The following CEP76 variants were observed in gnomAD, a reference collection of about 807,000 sequenced individuals.
CEP76 encodes centrosomal protein of 76 kDa.
In CEP76, 55 loss-of-function variants were observed where a neutral mutation model predicts 83.3. The ratio of observed to expected loss-of-function variants is 0.66; its 90% CI spans 0.53 to 0.83. CEP76 has a LOEUF of 0.83. Among genes scored for constraint, CEP76 ranks in the 40% least tolerant of loss-of-function variants. CEP76 has a pLI of 0.00. For synonymous variants in CEP76, 270 were observed against 274.5 expected (o/e 0.98, Z 0.16); for missense variants, 694 against 799.5 (o/e 0.87, Z 1.59).
At chr18:12,678,049 AAC>A (rs2145000755) in intron 10 of CEP76, 58 bp downstream of exon 10, 2 of 1,385,298 alleles carry the variant, frequency 1.4e-6, no homozygotes, top group Non-Finnish European at 2.0e-6. Flanking sequence ...CACACCAAAA[AAC>A]AGTTAAATAC....
In CEP76 at chr18:12,695,238, A is replaced by T; in HGVS notation, c.804+16T>A. 1 of 1,155,408 alleles carries T rather than the reference A, an allele frequency of 8.7e-7. No homozygotes were observed. Among genetic ancestry groups the T allele is most frequent in the Non-Finnish European group, 1.2e-6 (1 of 809,498 alleles). The allele number at this position is 1,155,408 out of a possible 1,614,324, so 71.6% of individuals were successfully genotyped here. On this transcript the variant is annotated intron_variant, in intron 6 of 11. Transcript: ENST00000262127. The stretch of plus-strand genomic sequence containing the variant: ...AAAACAAACACACAAAAAAAGAGAA[A>T]CTCATAAGTATTTACCTGTGTGTTC...
chr18:12,680,596 CAAAAAAA>C (rs34861312), intron 9 of CEP76, 59 bp downstream of exon 9: 23 of 752,898 alleles, frequency 3.1e-5, no homozygotes, highest in African/African-American at 2.1e-4. Context: ...GACTCCATCT[CAAAAAAA>C]AAAAAAAAAA....
rs182913090 is a variant in CEP76 at position 12,675,159 on chromosome 18, G to C, written c.1624-406C>G. 3.8e-3 allele frequency among the ~76,000 whole-genome samples: 579 copies of C among 152,306 alleles called. 1 individual carries two copies. The highest frequency in any genetic ancestry group is 0.013 in the African/African-American group (545 of 41,570). On this transcript the variant is annotated intron_variant, in intron 10 of 11. Transcript: ENST00000262127. The stretch of plus-strand genomic sequence containing the variant: ...CGCCTGTAATCCCAGCAGTTTGGGA[G>C]GCTGAGGTGGGCGGATCATGAGGTC...
downstream of CEP76, chr18:12,670,648 T>A (rs1219483354): frequency 7.1e-6 from 1 of 141,286 alleles, no homozygotes; most frequent in East Asian, 2.1e-4. Flanking sequence ...GGCAAAAGAG[T>A]GGTTTTTTTT....
intron 1 of CEP76, 116 bp from the exon 2 acceptor site, chr18:12,701,229 G>T: frequency 1.4e-6 from 1 of 696,892 alleles, no homozygotes; most frequent in Non-Finnish European, 2.4e-6. Context: ...ACAATTGAAT[G>T]GGAACAAAGG....
In CEP76 at chr18:12,681,026, C is replaced by G. The variant is rs533587641; in HGVS notation, c.1123-198G>C. 4.1e-4 allele frequency among the ~76,000 whole-genome samples: 62 copies of G among 152,168 alleles called. 2 individuals carry two copies. The East Asian group carries it at 0.012, about 29-fold the overall frequency. Reference sequence around the variant, plus strand: ...CCAGCCTGGCCAACATAAGGAAACTCTGTCTCTACTAAAAATACAAAAATT... The same window carrying G: ...CCAGCCTGGCCAACATAAGGAAACTGTGTCTCTACTAAAAATACAAAAATT... On this transcript the variant is annotated intron_variant, in intron 8 of 11. Coordinates refer to ENST00000262127, the MANE Select transcript of CEP76 (RefSeq NM_024899.4).
rs964404804 is a variant in CEP76, at chr18:12,695,310, G to T, written c.748C>A (p.Leu250Ile). The T allele has an allele frequency of 1.3e-6, 2 of 1,569,948 alleles. No homozygotes were observed. Among genetic ancestry groups the T allele is most frequent in the Admixed American group, 3.4e-5 (2 of 58,340 alleles). The change falls in exon 6 of 12, where the codon CTT becomes ATT. Residue 250 changes from leucine (L) to isoleucine (I), a missense_variant. Coordinates refer to ENST00000262127, the MANE Select transcript of CEP76 (RefSeq NM_024899.4). ...KVSVGILNIK[L>I]EMYPPLNQTL... ...TGATTGAGTGGTGGATACATTTCAAGTTTTATATTTAAAATTCCCACAGAA... is the reference window on the plus strand; with the variant it reads ...TGATTGAGTGGTGGATACATTTCAATTTTTATATTTAAAATTCCCACAGAA...
chr18:12,701,686 G>A (rs1180316954), intron 1 of CEP76, among the ~76,000 whole-genome samples: 1 of 152,154 alleles, frequency 6.6e-6, no homozygotes. Flanking sequence ...GAGCGCTGCA[G>A]AAACTGGAGG....
At chr18:12,672,368 G>A (rs935766090), downstream of CEP76, among the ~76,000 whole-genome samples, 23 of 151,138 alleles carry the variant, frequency 1.5e-4, no homozygotes, top group Non-Finnish European at 7.4e-5. Context: ...CACCCACCTC[G>A]GCCTCCCAAA....
Position 12,673,039 on chromosome 18 carries a change from T to C in CEP76, c.*326A>G. 1 of 1,018,576 alleles carries C rather than the reference T, an allele frequency of 9.8e-7. No homozygotes were observed. The highest frequency in any genetic ancestry group is 4.0e-5 in the South Asian group (1 of 24,720). The allele number at this position is 1,018,576 out of a possible 1,614,324, so 63.1% of individuals were successfully genotyped here. On this transcript the variant is annotated 3_prime_UTR_variant, in exon 12 of 12. Coordinates refer to ENST00000262127, the MANE Select transcript of CEP76 (RefSeq NM_024899.4). ...AACCCTTAGACAAACATCTCTTTGA[T>C]TACCTGTTTGTGTAAAGAAAACTGA...
At chr18:12,691,629 CCCTATTTCTACACTTACCCCTAGT>C (rs2039766454) in intron 6 of CEP76, 142 bp from the exon 7 acceptor site, 1 of 570,134 alleles carries the variant, frequency 1.8e-6, no homozygotes. Flanking sequence ...CTCCTGACTT[CCCTATTTCTACACTTACCCCTAGT>C]ACAATCCCAT....
At position 12,686,378 on chromosome 18, in the gene CEP76, G is replaced by C. The variant is rs754147850; in HGVS notation, c.1006C>G (p.Pro336Ala). 1.2e-6 allele frequency: 2 copies of C among 1,613,856 alleles called. No individual in the cohort carries two copies. The highest frequency in any genetic ancestry group is 3.3e-5 in the Admixed American group (2 of 59,966). ...PLRAGRLLDT[P>A]RQAARFVNVL... ...TTAACAAATCTTGCTGCTTGCCTTG[G>C]AGTATCAAGAAGCCGTCCAGCTCGA... Residue 336 changes from proline (P) to alanine (A), a missense_variant, in exon 8 of 12, where the codon CCA (proline) becomes GCA (alanine). Transcript: ENST00000262127.
chr18:12,679,195 G>T (rs2039257049), intron 9 of CEP76: 1 of 152,144 alleles, frequency 6.6e-6, no homozygotes, highest in East Asian at 1.9e-4. Context: ...TAAAAAAGAA[G>T]CTAAGGAAAG....
chr18:12,679,955 C>T (rs779123835), intron 9 of CEP76, among the ~76,000 whole-genome samples: 3 of 151,424 alleles, frequency 2.0e-5, no homozygotes, highest in Non-Finnish European at 4.4e-5. Context: ...ACGCAAGAGG[C>T]TGAGGTAGGA....
intron 9 of CEP76, chr18:12,679,091 A>G (rs2039250631): frequency 6.6e-6 from 1 of 152,278 alleles, no homozygotes; most frequent in Non-Finnish European, 1.5e-5. Context: ...AAGAGGGCCC[A>G]GGGCTGGGCC....
At position 12,700,933 on chromosome 18, in the gene CEP76, T is replaced by A. The variant is rs569271668; in HGVS notation, c.219+25A>T. 68 of 1,593,326 alleles carry A rather than the reference T, an allele frequency of 4.3e-5. 1 individual carries two copies. In the South Asian group the frequency reaches 7.5e-4, roughly 17 times the overall value. On this transcript the variant is annotated intron_variant, in intron 2 of 11. Coordinates refer to ENST00000262127, the MANE Select transcript of CEP76 (RefSeq NM_024899.4). ...ATTAGTATATACATATATACTCTCA[T>A]TTATTTCCCTAAAAGATTACTCACA...
chr18:12,702,428 C>G, intron 1 of CEP76, 58 bp downstream of exon 1: 1 of 1,352,096 alleles, frequency 7.4e-7, no homozygotes, highest in Non-Finnish European at 1.0e-6. Flanking sequence ...GGCCGCCGGG[C>G]AGGAGGGAAA....
chr18:12,678,982 C>T (rs1598623391), intron 9 of CEP76: 1 of 152,004 alleles, frequency 6.6e-6, no homozygotes, highest in Non-Finnish European at 1.5e-5. Context: ...CCTCAGATAA[C>T]ATAATTAAAA....
intron 2 of CEP76, 104 bp from the exon 3 acceptor site, chr18:12,700,009 A>G (rs922413421): frequency 1.4e-4 from 81 of 593,502 alleles, no homozygotes; most frequent in Non-Finnish European, 2.1e-4. Context: ...TCAACAGGGT[A>G]AGGCCCTTTC....
Sources: allele counts gnomAD v4.1 joint callset (sites outside exome capture counted in the v4.1 genomes callset), GRCh38; gene constraint gnomAD v4.1.1; transcripts MANE v1.5; gene names NCBI Gene and HGNC (gene_info 2026-07-23, HGNC 2026-07-21).